The following RAPGEF1 variants were observed in gnomAD, a reference collection of about 807,000 sequenced individuals.
The protein encoded by RAPGEF1 is CRK SH3-binding GNRP.
A neutral mutation model predicts 143.3 loss-of-function variants in RAPGEF1; 33 were observed. That is an observed-to-expected ratio of 0.23 (90% CI 0.17 to 0.31). The LOEUF (loss-of-function observed/expected upper bound fraction) is 0.31, where lower values mean the gene tolerates loss of function less well. RAPGEF1 is among the 10% of genes least tolerant of loss of function. The pLI, the probability that RAPGEF1 is intolerant of heterozygous loss-of-function variation, is 1.00. For synonymous variants in RAPGEF1, 629 were observed against 676.5 expected (o/e 0.93, Z 1.09); for missense variants, 1,199 against 1,645.4 (o/e 0.73, Z 4.69).
chr9:131,711,683 G>A (rs34643039), intron 1 of RAPGEF1, among the ~76,000 whole-genome samples: 33,271 of 152,146 alleles, frequency 0.22, 4,145 homozygotes, highest in Non-Finnish European at 0.28. Flanking sequence ...AATTGTAGAC[G>A]GAAAATACAT....
rs919708164 is a variant in RAPGEF1 at position 131,577,332 on chromosome 9, G to A, written c.*2165C>T. On this transcript the variant is annotated 3_prime_UTR_variant, in exon 27 of 27. Coordinates refer to ENST00000683357, the MANE Select transcript of RAPGEF1 (RefSeq NM_001377935.1). ...GAATTGCCTGGGCACACTGGGGCCA[G>A]GCACAGGGTCTGTTCTGAATTCAGG... 6.6e-6 allele frequency: 1 copy of A among 152,398 alleles called. No individual in the cohort carries two copies. The highest frequency in any genetic ancestry group is 1.5e-5 in the Non-Finnish European group (1 of 68,140). The allele number at this position is 152,398 out of a possible 1,614,324, so 9.4% of individuals were successfully genotyped here. A position where few individuals can be genotyped will look rare whatever the true frequency, so the allele number is the denominator to read the frequency against.
chr9:131,622,327 G>C (rs530238983), intron 10 of RAPGEF1, among the ~76,000 whole-genome samples: 2 of 152,186 alleles, frequency 1.3e-5, no homozygotes, highest in Non-Finnish European at 2.9e-5. Flanking sequence ...GAGGCATGTC[G>C]CAAGTGCCAC....
At chr9:131,728,844 C>T (rs1044547573) in intron 1 of RAPGEF1, among the ~76,000 whole-genome samples, 10 of 152,180 alleles carry the variant, frequency 6.6e-5, no homozygotes, top group African/African-American at 2.4e-4. Context: ...CTTATGTGTC[C>T]AGACTCTGAT....
At chr9:131,645,172 CG>C (rs991345923) in intron 3 of RAPGEF1, among the ~76,000 whole-genome samples, 2 of 152,152 alleles carry the variant, frequency 1.3e-5, no homozygotes, top group African/African-American at 2.4e-5. Flanking sequence ...GTCATCTGCC[CG>C]GGGCAGGGAG....
chr9:131,670,064 AG>A (rs1483991703), intron 1 of RAPGEF1, among the ~76,000 whole-genome samples: 1 of 152,198 alleles, frequency 6.6e-6, no homozygotes, highest in Non-Finnish European at 1.5e-5. Flanking sequence ...CCTCCAATAC[AG>A]GTACCACTGT....
intron 1 of RAPGEF1, among the ~76,000 whole-genome samples, chr9:131,661,760 G>A (rs1469651956): frequency 6.6e-6 from 1 of 152,166 alleles, no homozygotes. Context: ...GAATATTCCA[G>A]AATGAGTATC....
At chr9:131,643,918 A>G (rs1968788048) in intron 3 of RAPGEF1, among the ~76,000 whole-genome samples, 3 of 152,200 alleles carry the variant, frequency 2.0e-5, no homozygotes, top group South Asian at 4.1e-4. Flanking sequence ...ACTCCTCACT[A>G]GGTTCCCAGA....
chr9:131,615,112 G>A (rs909786725), intron 12 of RAPGEF1, among the ~76,000 whole-genome samples: 5 of 152,168 alleles, frequency 3.3e-5, no homozygotes, highest in Non-Finnish European at 7.4e-5. Context: ...TTGCTCTGTT[G>A]CCCAGGCTGG....
chr9:131,711,567 A>C (rs1346890139), intron 1 of RAPGEF1, among the ~76,000 whole-genome samples: 1 of 152,126 alleles, frequency 6.6e-6, no homozygotes, highest in Non-Finnish European at 1.5e-5. Context: ...CACGTTGGCC[A>C]GGCTGGTCTC....
intron 15 of RAPGEF1, 126 bp downstream of exon 15, chr9:131,601,935 G>A (rs983768705): frequency 3.0e-6 from 2 of 668,444 alleles, no homozygotes; most frequent in African/African-American, 3.6e-5. Context: ...AATAAGGAAA[G>A]AAGGAAGAGT....
In RAPGEF1 at chr9:131,630,105, C is replaced by T. The variant is rs1326877463; in HGVS notation, c.740+131G>A. 5 of 725,464 alleles carry T rather than the reference C, an allele frequency of 6.9e-6. No individual in the cohort carries two copies. In the East Asian group the frequency reaches 1.3e-4, roughly 20 times the overall value. 44.9% of individuals were successfully genotyped at this position (725,464 alleles called of 1,614,324 possible). A position where few individuals can be genotyped will look rare whatever the true frequency, so the allele number is the denominator to read the frequency against. On this transcript the variant is annotated intron_variant, in intron 6 of 26. Coordinates refer to ENST00000683357, the MANE Select transcript of RAPGEF1 (RefSeq NM_001377935.1). The stretch of plus-strand genomic sequence containing the variant: ...TGTGAAATATACACACACTGCTAAC[C>T]ACTGAAAAAGGAATATGGGCCTCCA...
At chr9:131,737,281 CCT>C in intron 1 of RAPGEF1, 1 of 1,508,414 alleles carries the variant, frequency 6.6e-7, no homozygotes, top group Non-Finnish European at 9.2e-7. Flanking sequence ...AGCCCCTTCC[CCT>C]CTCTCCTCTT....
At chr9:131,682,420 C>T (rs147299636) in intron 1 of RAPGEF1, among the ~76,000 whole-genome samples, 28 of 152,306 alleles carry the variant, frequency 1.8e-4, no homozygotes, top group African/African-American at 6.7e-4. Flanking sequence ...TTATGCTGCA[C>T]AAAAGCTGTG....
chr9:131,715,577 T>A (rs1363639796), intron 1 of RAPGEF1, among the ~76,000 whole-genome samples: 2 of 151,986 alleles, frequency 1.3e-5, no homozygotes, highest in Admixed American at 1.3e-4. Flanking sequence ...AGGTTAAGAA[T>A]GGCCGGGCAC....
chr9:131,692,809 T>C (rs1471002776), intron 1 of RAPGEF1, among the ~76,000 whole-genome samples: 3 of 152,198 alleles, frequency 2.0e-5, no homozygotes. Flanking sequence ...AACCTAGTCA[T>C]GGGATGGTAG....
At chr9:131,643,059 C>T (rs1359648903) in intron 4 of RAPGEF1, among the ~76,000 whole-genome samples, 180 bp downstream of exon 4, 2 of 152,100 alleles carry the variant, frequency 1.3e-5, no homozygotes, top group Non-Finnish European at 2.9e-5. Context: ...TAATAGTGAC[C>T]TCAACTCTGA....
intron 1 of RAPGEF1, among the ~76,000 whole-genome samples, chr9:131,657,218 C>T (rs918631916): frequency 2.0e-5 from 3 of 152,198 alleles, no homozygotes; most frequent in Non-Finnish European, 2.9e-5. Flanking sequence ...AGGGCAATCT[C>T]GCCAACGGCT....
chr9:131,596,300 T>C lies in RAPGEF1; in HGVS notation c.2687A>G (p.Lys896Arg), dbSNP rs1164868347. ...TAGTGAGCTCACTGACACCCTACCT[T>C]TCCTGTCAGTCTCAGTAGCATGGAC... is the stretch of plus-strand genomic sequence containing the variant. Reference protein sequence around the residue: ...LLVHATETDRKDLVLYCEAFL... With the variant: ...LLVHATETDRRDLVLYCEAFL... The change falls in exon 17 of 27, where the codon AAA becomes AGA. Residue 896 changes from lysine to arginine, a missense_variant and splice_region_variant. Lys to Arg is a conservative substitution (Grantham distance 26). Coordinates refer to ENST00000683357, the MANE Select transcript of RAPGEF1 (RefSeq NM_001377935.1). 3.1e-6 allele frequency: 5 copies of C among 1,613,826 alleles called. No individual in the cohort carries two copies. The highest frequency in any genetic ancestry group is 4.2e-6 in the Non-Finnish European group (5 of 1,179,796).
intron 1 of RAPGEF1, among the ~76,000 whole-genome samples, chr9:131,668,120 C>T (rs897601112): frequency 2.0e-5 from 3 of 152,272 alleles, no homozygotes; most frequent in Admixed American, 1.3e-4. Flanking sequence ...TAAACTTTTC[C>T]GCGTGAACAA....
Sources: gnomAD v4.1 joint callset for allele counts (sites outside exome capture counted in the v4.1 genomes callset) on GRCh38, gnomAD v4.1.1 for gene constraint, MANE v1.5 for transcripts, NCBI Gene and HGNC (gene_info 2026-07-23, HGNC 2026-07-21) for gene names.